The following THEMIS2 variants were observed in gnomAD, a reference collection of about 807,000 sequenced individuals.
The protein encoded by THEMIS2 is thymocyte selection associated family member 2.
In THEMIS2, 29 loss-of-function variants were observed where a neutral mutation model predicts 46.8. The observed-to-expected ratio is 0.62, with a 90% CI of 0.46 to 0.84. The LOEUF (loss-of-function observed/expected upper bound fraction) is 0.84. THEMIS2 is among the 40% of genes least tolerant of loss of function. The pLI is 0.00. For synonymous variants in THEMIS2, 335 were observed against 349.1 expected (o/e 0.96, Z 0.45); for missense variants, 698 against 834.7 (o/e 0.84, Z 2.02).
rs1380468374 is a variant in THEMIS2 at position 27,882,569 on chromosome 1, G to A, written c.1245G>A (p.Glu415=). Residue 415 remains glutamate (E), a synonymous_variant, in exon 4 of 6, where the codon GAG becomes GAA. Coordinates refer to ENST00000373921, the MANE Select transcript of THEMIS2 (RefSeq NM_001105556.3). The surrounding 1 kb of genome is among the most constrained non-coding windows in gnomAD (Gnocchi z 7.6). ...AGGAAGAGTGCAAAGAGGAGGCAGAGAGCCCAGAGCGGGTCCTGCTGCCCT... is the reference window on the plus strand; with the variant it reads ...AGGAAGAGTGCAAAGAGGAGGCAGAAAGCCCAGAGCGGGTCCTGCTGCCCT... ...DEEEECKEEA[E]SPERVLLPFH... is the part of the protein sequence containing the mutation. 2 of 1,614,142 alleles carry A rather than the reference G, an allele frequency of 1.2e-6. No individual in the cohort carries two copies. Among genetic ancestry groups the A allele is most frequent in the East Asian group, 2.2e-5 (1 of 44,862 alleles).
At chr1:27,876,879 G>C in intron 2 of THEMIS2, 151 bp downstream of exon 2, 5 of 986,330 alleles carry the variant, frequency 5.1e-6, no homozygotes, top group Non-Finnish European at 7.3e-6. Context: ...AGCCTCAAGG[G>C]TGGGGATGTC....
chr1:27,881,998 C>T lies in THEMIS2; in HGVS notation c.674C>T (p.Ser225Phe), dbSNP rs2089686824. Residue 225 changes from serine (S) to phenylalanine (F), a missense_variant, in exon 4 of 6, where the codon TCT becomes TTT. Coordinates refer to ENST00000373921, the MANE Select transcript of THEMIS2 (RefSeq NM_001105556.3). ...HMRRTIVKIP[S>F]TLEVDVEDVT... ...CGCAGGACCATTGTCAAGATCCCTT[C>T]TACCCTGGAGGTCGACGTGGAGGAC... 6.2e-7 allele frequency: 1 copy of T among 1,613,870 alleles called. No individual in the cohort carries two copies. Among genetic ancestry groups the T allele is most frequent in the Non-Finnish European group, 8.5e-7 (1 of 1,179,854 alleles).
rs2089644440 is a variant in THEMIS2 at position 27,879,674 on chromosome 1, G to A, written c.266G>A (p.Ser89Asn). The A allele has an allele frequency of 1.2e-6, 2 of 1,610,236 alleles. No individual in the cohort carries two copies. Among genetic ancestry groups the A allele is most frequent in the African/African-American group, 2.7e-5 (2 of 74,832 alleles). Residue 89 changes from serine to asparagine, a missense_variant, in exon 3 of 6, where the codon AGC becomes AAC. Ser to Asn is a conservative substitution (Grantham distance 46). Transcript: ENST00000373921. ...TTCACCCCCCTCAACACCCCACAGA[G>A]CTATGAAACCCTGGAGGAGCTGGTC... Reference protein sequence around the residue: ...GYFTPLNTPQSYETLEELVSA... With the variant: ...GYFTPLNTPQNYETLEELVSA...
At position 27,879,699 on chromosome 1, in the gene THEMIS2, C is replaced by G; in HGVS notation, c.291C>G (p.Val97=). ...PQSYETLEEL[V]SATTQSSKQL... is the part of the protein sequence containing the mutation. ...GCTATGAAACCCTGGAGGAGCTGGT[C>G]TCTGCCACAACTCAGAGCTCCAAGC... The change falls in exon 3 of 6, where the codon GTC becomes GTG. Residue 97 remains valine, a synonymous_variant. Coordinates refer to ENST00000373921, the MANE Select transcript of THEMIS2 (RefSeq NM_001105556.3). 6.2e-7 allele frequency: 1 copy of G among 1,613,806 alleles called. No homozygotes were observed. Among genetic ancestry groups the G allele is most frequent in the Non-Finnish European group, 8.5e-7 (1 of 1,179,844 alleles).
chr1:27,885,197 A>C, intron 4 of THEMIS2, 98 bp from the exon 5 acceptor site: 7 of 1,290,614 alleles, frequency 5.4e-6, no homozygotes, highest in African/African-American at 1.5e-5. Context: ...GTAGAGAGAG[A>C]AGCAGAGGAA....
chr1:27,880,139 C>G, intron 3 of THEMIS2, 85 bp downstream of exon 3: 1 of 1,400,756 alleles, frequency 7.1e-7, no homozygotes, highest in African/African-American at 1.4e-5. Context: ...GAAGACACCC[C>G]CACCCCATCC....
intron 3 of THEMIS2, 125 bp from the exon 4 acceptor site, chr1:27,881,842 CAAAA>C (rs371204275): frequency 1.9e-5 from 11 of 577,866 alleles, no homozygotes; most frequent in Non-Finnish European, 3.1e-5. Flanking sequence ...AACTCCATCT[CAAAA>C]AAAAAAAAAG....
intron 2 of THEMIS2, among the ~76,000 whole-genome samples, 175 bp from the exon 3 acceptor site, chr1:27,879,467 CCT>C (rs1303800220): frequency 6.6e-6 from 1 of 152,046 alleles, no homozygotes; most frequent in African/African-American, 2.4e-5. Flanking sequence ...CACTTTCTGC[CCT>C]GTGTCCCTCA....
chr1:27,876,871 C>A (rs937591981), intron 2 of THEMIS2, 143 bp downstream of exon 2: 4 of 1,056,196 alleles, frequency 3.8e-6, no homozygotes, highest in African/African-American at 3.2e-5. Flanking sequence ...CACAACCCAG[C>A]CTCAAGGGTG....
rs201348519 is a variant in THEMIS2, at chr1:27,882,138, C to A, written c.814C>A (p.Arg272Ser). 61 of 1,614,070 alleles carry A rather than the reference C, an allele frequency of 3.8e-5. No homozygotes were observed. Among genetic ancestry groups the A allele is most frequent in the Non-Finnish European group, 4.9e-5 (58 of 1,180,034 alleles). ...SMEILEVPEG[R>S]PIFLSPWVGS... is the part of the protein sequence containing the mutation. ...GGAGATCCTGGAGGTTCCTGAGGGC[C>A]GCCCCATCTTCCTCAGCCCGTGGGT... Residue 272 changes from arginine to serine, a missense_variant, in exon 4 of 6, where the codon CGC becomes AGC. Arg to Ser is a moderately radical substitution (Grantham distance 110). Coordinates refer to ENST00000373921, the MANE Select transcript of THEMIS2 (RefSeq NM_001105556.3). The surrounding 1 kb of genome is among the most constrained non-coding windows in gnomAD (Gnocchi z 7.6).
At chr1:27,883,113 CTGTCA>C in intron 4 of THEMIS2, 70 bp downstream of exon 4, 5 of 1,340,092 alleles carry the variant, frequency 3.7e-6, no homozygotes, top group Non-Finnish European at 5.1e-6. Flanking sequence ...TCATGTCTGC[CTGTCA>C]TGTTTCTCTT....
chr1:27,881,970 G>T lies in THEMIS2; in HGVS notation c.647-1G>T. 1 of 1,606,356 alleles carries T rather than the reference G, an allele frequency of 6.2e-7. No homozygotes were observed. Among genetic ancestry groups the T allele is most frequent in the Non-Finnish European group, 8.5e-7 (1 of 1,175,534 alleles). ...TGCCACTGAGCTGCCCCTCTCCACA[G>T]TGCGCAGGACCATTGTCAAGATCCC... On this transcript the variant is annotated splice_acceptor_variant, in intron 3 of 5. Transcript: ENST00000373921. LOFTEE classifies it high-confidence loss of function.
chr1:27,875,420 AG>A (rs146525519), intron 1 of THEMIS2, among the ~76,000 whole-genome samples: 173 of 152,342 alleles, frequency 1.1e-3, no homozygotes, highest in African/African-American at 4.0e-3. Context: ...CCAGTCTGGA[AG>A]GCCCATGCTC....
intron 1 of THEMIS2, among the ~76,000 whole-genome samples, chr1:27,873,756 G>T (rs1460168602): frequency 6.6e-6 from 1 of 152,162 alleles, no homozygotes; most frequent in Non-Finnish European, 1.5e-5. Context: ...CCCAGCCCAG[G>T]ACCAAGCGTC....
Position 27,882,309 on chromosome 1 carries a change from A to G in THEMIS2, c.985A>G (p.Arg329Gly). ...GYQGKLRRRPREFPTAYDLLG... is the reference protein window; with the variant it reads ...GYQGKLRRRPGEFPTAYDLLG... ...CCAAGGCAAGCTGCGGCGGCGGCCA[A>G]GGGAGTTCCCCACGGCCTATGACCT... The change falls in exon 4 of 6, where the codon AGG (arginine) becomes GGG (glycine). Residue 329 changes from arginine to glycine, a missense_variant. Transcript: ENST00000373921. The surrounding 1 kb of genome is among the most constrained non-coding windows in gnomAD (Gnocchi z 7.6). The G allele has an allele frequency of 1.3e-6, 2 of 1,598,622 alleles. No individual in the cohort carries two copies. The highest frequency in any genetic ancestry group is 1.7e-6 in the Non-Finnish European group (2 of 1,171,470).
intron 1 of THEMIS2, 145 bp from the exon 2 acceptor site, chr1:27,876,443 A>T: frequency 2.0e-6 from 2 of 992,226 alleles, no homozygotes; most frequent in Admixed American, 2.3e-5. Context: ...TGTGGGCATG[A>T]GGCAGGAACG....
chr1:27,876,866 C>T (rs1334068181), intron 2 of THEMIS2, 138 bp downstream of exon 2: 3 of 1,098,342 alleles, frequency 2.7e-6, no homozygotes, highest in East Asian at 5.2e-5. Context: ...TTCACCACAA[C>T]CCAGCCTCAA....
At chr1:27,881,314 G>A (rs1557451260) in intron 3 of THEMIS2, among the ~76,000 whole-genome samples, 1 of 150,984 alleles carries the variant, frequency 6.6e-6, no homozygotes, top group Non-Finnish European at 1.5e-5. Context: ...AGCCGGGTGT[G>A]GTGGCGGGCA....
rs2089766942 is a variant in THEMIS2, at chr1:27,886,081, C to T, written c.*159C>T. ...ACTGATTTGATGGACACTGCACCAG[C>T]TTCCTTCAGGTTCTAGATTCTTGCT... On this transcript the variant is annotated 3_prime_UTR_variant, in exon 6 of 6. Coordinates refer to ENST00000373921, the MANE Select transcript of THEMIS2 (RefSeq NM_001105556.3). The T allele has an allele frequency of 4.5e-6, 3 of 660,618 alleles. No homozygotes were observed. The highest frequency in any genetic ancestry group is 1.9e-5 in the South Asian group (1 of 52,922). The allele number at this position is 660,618 out of a possible 1,614,324, so 40.9% of individuals were successfully genotyped here.
Sources: gnomAD v4.1 joint callset for allele counts (sites outside exome capture counted in the v4.1 genomes callset) on GRCh38, gnomAD v4.1.1 for gene constraint, Gnocchi (gnomAD v3.1) non-coding constraint, MANE v1.5 for transcripts, NCBI Gene and HGNC (gene_info 2026-07-23, HGNC 2026-07-21) for gene names.